The following CHST15 variants were observed in gnomAD, a reference collection of about 807,000 sequenced individuals.
CHST15 encodes B cell RAG associated protein (GALNAC4S-6ST).
A neutral mutation model predicts 53.6 loss-of-function variants in CHST15; 30 were observed. That is an observed-to-expected ratio of 0.56 (90% CI 0.42 to 0.76). CHST15 has a LOEUF of 0.76. CHST15 is among the 30% of genes least tolerant of loss of function. The pLI, the probability that CHST15 is intolerant of heterozygous loss-of-function variation, is 0.00. For missense variants in CHST15, 627 were observed against 740.5 expected, an observed-to-expected ratio of 0.85 and a Z score of 1.78; for synonymous variants, 296 against 289.8, an observed-to-expected ratio of 1.02 and a Z score of -0.22.
chr10:124,084,786 G>A lies in CHST15; in HGVS notation c.-513+8683C>T, dbSNP rs114667170. Among the ~76,000 whole-genome samples the A allele has an allele frequency of 5.5e-3, 833 of 152,272 alleles. 5 individuals are homozygous for A. Among genetic ancestry groups the A allele is most frequent in the African/African-American group, 0.019 (780 of 41,536 alleles). ...ACTCCAAAGTCAAGCGTCTGGTTAC[G>A]TGACACAGAGGTCAGCCAGCTGCAG... On this transcript the variant is annotated intron_variant, in intron 1 of 7. Coordinates refer to ENST00000435907, the MANE Select transcript of CHST15 (RefSeq NM_001270764.2).
chr10:124,030,666 C>T (rs1401853937), intron 5 of CHST15, among the ~76,000 whole-genome samples: 1 of 152,204 alleles, frequency 6.6e-6, no homozygotes, highest in African/African-American at 2.4e-5. Flanking sequence ...AATCCTTGTG[C>T]AAATCTGTTC....
intron 3 of CHST15, among the ~76,000 whole-genome samples, chr10:124,042,999 G>A (rs1389499334): frequency 2.6e-5 from 4 of 152,168 alleles, no homozygotes; most frequent in Admixed American, 2.6e-4. Context: ...CAAACAGTAA[G>A]GGGAACTGAT....
intron 6 of CHST15, among the ~76,000 whole-genome samples, chr10:124,012,830 C>A (rs974823105): frequency 1.6e-4 from 24 of 152,250 alleles, no homozygotes; most frequent in African/African-American, 4.3e-4. Flanking sequence ...TTTCTCTGTT[C>A]CCAGTGTGAC....
At chr10:124,042,528 A>G (rs1346848090) in intron 3 of CHST15, 81 bp from the exon 4 acceptor site, 29 of 1,509,992 alleles carry the variant, frequency 1.9e-5, no homozygotes, top group Non-Finnish European at 2.6e-5. Context: ...GCAACCAAAG[A>G]GAGATGGAAA....
chr10:124,032,488 G>A (rs1947261416), intron 5 of CHST15, among the ~76,000 whole-genome samples: 1 of 152,114 alleles, frequency 6.6e-6, no homozygotes, highest in Non-Finnish European at 1.5e-5. Context: ...CACATTTAAC[G>A]GGGGCTATAA....
chr10:124,034,616 CTGG>C (rs1240933379), intron 5 of CHST15, among the ~76,000 whole-genome samples: 5 of 139,574 alleles, frequency 3.6e-5, no homozygotes, highest in African/African-American at 1.6e-4. Context: ...AACAGGGACC[CTGG>C]CTTCACCCCT....
intron 1 of CHST15, among the ~76,000 whole-genome samples, chr10:124,054,303 T>C (rs187197658): frequency 4.4e-4 from 67 of 152,342 alleles, no homozygotes; most frequent in Admixed American, 3.9e-3. Context: ...TGGCCCAAAA[T>C]CTGTGCATAC....
At chr10:124,011,501 A>T in intron 7 of CHST15, 4 of 985,468 alleles carry the variant, frequency 4.1e-6, no homozygotes, top group Non-Finnish European at 4.8e-6. Context: ...ATACTCAATT[A>T]ACCAAGTTCC....
intron 1 of CHST15, among the ~76,000 whole-genome samples, chr10:124,062,122 C>T (rs548555573): frequency 6.6e-6 from 1 of 152,162 alleles, no homozygotes; most frequent in African/African-American, 2.4e-5. Context: ...AATGGAAAAC[C>T]CCAAGCAGAC....
At position 124,042,381 on chromosome 10, in the gene CHST15, T is replaced by A; in HGVS notation, c.953A>T (p.Asp318Val). 6.2e-7 allele frequency: 1 copy of A among 1,614,190 alleles called. No individual in the cohort carries two copies. The highest frequency in any genetic ancestry group is 8.5e-7 in the Non-Finnish European group (1 of 1,180,034). Residue 318 changes from aspartate (D) to valine (V), a missense_variant, in exon 4 of 8, where the codon GAC becomes GTC. Asp to Val is a radical substitution (Grantham distance 152). This residue lies in a region of CHST15 where 279 missense variants were observed against 371.6 expected (regional missense o/e 0.75). Transcript: ENST00000435907. ...TTGATGGATCTGGTGTGCGGCCAGG[T>A]CAAAGAGGTCCAGATAATCTTCCAC... ...YPVEDYLDLF[D>V]LAAHQIHQGL...
intron 5 of CHST15, among the ~76,000 whole-genome samples, chr10:124,032,366 C>T (rs574440228): frequency 6.6e-6 from 1 of 152,182 alleles, no homozygotes; most frequent in Non-Finnish European, 1.5e-5. Context: ...AAACCCCAAA[C>T]ATAGACACGG....
At chr10:124,023,635 C>G (rs117455848) in intron 5 of CHST15, among the ~76,000 whole-genome samples, 3 of 152,082 alleles carry the variant, frequency 2.0e-5, no homozygotes, top group Non-Finnish European at 2.9e-5. Flanking sequence ...TGCACACACA[C>G]CTGCATCTCT....
chr10:124,085,889 G>T (rs1307706383), intron 1 of CHST15, among the ~76,000 whole-genome samples: 3 of 152,128 alleles, frequency 2.0e-5, no homozygotes, highest in Non-Finnish European at 4.4e-5. Flanking sequence ...AAATGTGGGG[G>T]CTCCCCCTCT....
intron 5 of CHST15, among the ~76,000 whole-genome samples, chr10:124,031,641 G>A (rs1200384851): frequency 2.0e-5 from 3 of 152,172 alleles, no homozygotes; most frequent in South Asian, 2.1e-4. Flanking sequence ...TCTGGGGAGT[G>A]AGTAAATGAG....
chr10:124,009,135 G>A lies in CHST15; in HGVS notation c.*1014C>T, dbSNP rs558808972. 360 of 1,231,206 alleles carry A rather than the reference G, an allele frequency of 2.9e-4. No homozygotes were observed. Among genetic ancestry groups the A allele is most frequent in the Non-Finnish European group, 3.6e-4 (340 of 951,660 alleles). The allele number at this position is 1,231,206 out of a possible 1,614,324, so 76.3% of individuals were successfully genotyped here. A position where few individuals can be genotyped will look rare whatever the true frequency, so the allele number is the denominator to read the frequency against. The stretch of plus-strand genomic sequence containing the variant: ...ATGGGAAGGCAGAGAAATGGAGCCT[G>A]TAGCCGGCCAGAACTAAAAATTAAA... On this transcript the variant is annotated 3_prime_UTR_variant, in exon 8 of 8. Transcript: ENST00000435907.
chr10:124,027,234 A>C (rs1947049120), intron 5 of CHST15, among the ~76,000 whole-genome samples: 1 of 152,114 alleles, frequency 6.6e-6, no homozygotes, highest in African/African-American at 2.4e-5. Context: ...TTTCCTGTGC[A>C]GTGCAGGGGT....
At chr10:124,072,789 G>A (rs572664811) in intron 1 of CHST15, among the ~76,000 whole-genome samples, 64 of 152,264 alleles carry the variant, frequency 4.2e-4, no homozygotes, top group African/African-American at 1.1e-3. Context: ...CCAGTGAAAC[G>A]TGACCACGTG....
At chr10:124,070,774 G>A (rs576084314) in intron 1 of CHST15, among the ~76,000 whole-genome samples, 8 of 152,224 alleles carry the variant, frequency 5.3e-5, no homozygotes, top group African/African-American at 1.4e-4. Flanking sequence ...GCTGCATCTC[G>A]CAGGCTGGTG....
rs370141510 is a variant in CHST15 at position 124,066,574 on chromosome 10, G to C, written c.-512-19850C>G. Among the ~76,000 whole-genome samples, 216 of 152,276 alleles carry C rather than the reference G, an allele frequency of 1.4e-3. 1 individual carries two copies. The highest frequency in any genetic ancestry group is 2.6e-3 in the Non-Finnish European group (176 of 68,024). On this transcript the variant is annotated intron_variant, in intron 1 of 7. Coordinates refer to ENST00000435907, the MANE Select transcript of CHST15 (RefSeq NM_001270764.2). ...GGATGACAACACAGTCGATGACATC[G>C]CTGGAAAGTCTTTGGTTGACTTAGT... is the stretch of plus-strand genomic sequence containing the variant.
Sources: gnomAD v4.1 joint callset for allele counts (sites outside exome capture counted in the v4.1 genomes callset) on GRCh38, gnomAD v4.1.1 for gene constraint, gnomAD v4.1.1 regional missense constraint, MANE v1.5 for transcripts, NCBI Gene and HGNC (gene_info 2026-07-23, HGNC 2026-07-21) for gene names.